The following POU1F1 variants were observed in gnomAD, a reference collection of about 807,000 sequenced individuals.
POU1F1 encodes the protein POU class 1 homeobox 1.
A neutral mutation model predicts 32.3 loss-of-function variants in POU1F1; 23 were observed. That is an observed-to-expected ratio of 0.71 (90% CI 0.51 to 1.01). The LOEUF (loss-of-function observed/expected upper bound fraction) is 1.01, where lower values mean the gene tolerates loss of function less well. Among genes scored for constraint, POU1F1 ranks in the 50% least tolerant of loss-of-function variants. The probability of loss-of-function intolerance (pLI) is 0.00; values close to 1 mark genes in which losing one functional copy is unlikely to be tolerated. For synonymous variants in POU1F1, 120 were observed against 115.6 expected (o/e 1.04, Z -0.25); for missense variants, 323 against 341.6 (o/e 0.95, Z 0.43).
At chr3:87,273,483 C>T (rs776081778) in intron 1 of POU1F1, 65 bp from the exon 2 acceptor site, 1 of 1,604,758 alleles carries the variant, frequency 6.2e-7, no homozygotes, top group Admixed American at 1.7e-5. Flanking sequence ...GGATCAAAGA[C>T]AAAATAGATG....
At chr3:87,264,165 C>T (rs555597098) in intron 3 of POU1F1, 123 bp downstream of exon 3, 42 of 787,984 alleles carry the variant, frequency 5.3e-5, no homozygotes, top group African/African-American at 2.8e-4. Flanking sequence ...CGACTAACTA[C>T]GTCCACAGTA....
intron 1 of POU1F1, among the ~76,000 whole-genome samples, chr3:87,274,208 A>C (rs1706784668): frequency 6.6e-6 from 1 of 152,172 alleles, no homozygotes; most frequent in Admixed American, 6.6e-5. Context: ...CCGTTCATAA[A>C]TGGTTATATG....
rs200249786 is a variant in POU1F1 at position 87,264,721 on chromosome 3, G to A, written c.215-209C>T. 3.4e-4 allele frequency among the ~76,000 whole-genome samples: 52 copies of A among 152,200 alleles called. 1 individual carries two copies. In the East Asian group the frequency reaches 3.5e-3, roughly 10 times the overall value. ...TTTGTCTTCTACCTTCTCCAGAGCA[G>A]CAAAACCAAAGATAGGGTTAAAGGA... On this transcript the variant is annotated intron_variant, in intron 2 of 5. Transcript: ENST00000350375.
intron 2 of POU1F1, among the ~76,000 whole-genome samples, chr3:87,269,169 G>A (rs907321010): frequency 2.0e-5 from 3 of 152,172 alleles, no homozygotes; most frequent in Admixed American, 6.5e-5. Flanking sequence ...AACTTCCACT[G>A]TGATCTTTTC....
intron 3 of POU1F1, among the ~76,000 whole-genome samples, chr3:87,262,992 G>T (rs1706540531): frequency 6.6e-6 from 1 of 152,000 alleles, no homozygotes; most frequent in Non-Finnish European, 1.5e-5. Flanking sequence ...AGGACCTAAG[G>T]CTATATACCT....
chr3:87,274,430 T>C (rs1424972325), intron 1 of POU1F1, among the ~76,000 whole-genome samples: 1 of 151,918 alleles, frequency 6.6e-6, no homozygotes, highest in Non-Finnish European at 1.5e-5. Context: ...AAATGAGATA[T>C]TATAAAGTAT....
At chr3:87,275,284 A>C (rs1161509955) in intron 1 of POU1F1, among the ~76,000 whole-genome samples, 1 of 152,038 alleles carries the variant, frequency 6.6e-6, no homozygotes, top group East Asian at 1.9e-4. Context: ...ATTTTACCAA[A>C]GTCTAAATAT....
In POU1F1 at chr3:87,259,754, T is replaced by A. The variant is rs33936108; in HGVS notation, c.*140A>T. On this transcript the variant is annotated 3_prime_UTR_variant, in exon 6 of 6. Coordinates refer to ENST00000350375, the MANE Select transcript of POU1F1 (RefSeq NM_000306.4). ...ATTTAAATTGTTGGTTTCTTTTTTTTAAAAAAAAGTGGAAAAGTAAAGCTT... is the reference window on the plus strand; with the variant it reads ...ATTTAAATTGTTGGTTTCTTTTTTTAAAAAAAAAGTGGAAAAGTAAAGCTT... 0.37 allele frequency: 240,527 copies of A among 652,744 alleles called. 46,591 individuals carry two copies. Among genetic ancestry groups the A allele is most frequent in the Non-Finnish European group, 0.42 (163,104 of 383,826 alleles). The allele number at this position is 652,744 out of a possible 1,614,324, so 40.4% of individuals were successfully genotyped here.
chr3:87,272,330 T>A (rs1369612253), intron 2 of POU1F1, among the ~76,000 whole-genome samples: 1 of 152,112 alleles, frequency 6.6e-6, no homozygotes, highest in Non-Finnish European at 1.5e-5. Flanking sequence ...ATACTTTAAG[T>A]TTTAGGGTAC....
At position 87,276,546 on chromosome 3, in the gene POU1F1, C is replaced by A. The variant is rs965356549; in HGVS notation, c.-84G>T. On this transcript the variant is annotated 5_prime_UTR_variant, in exon 1 of 6. It introduces an in-frame stop codon into an upstream open reading frame of the 5' UTR. Transcript: ENST00000350375. ...ATATTACTGTCTCAAAGGGCCGATT[C>A]AATTCTCACTACCTGCATATATACA... 6.8e-7 allele frequency: 1 copy of A among 1,476,146 alleles called. No homozygotes were observed. The highest frequency in any genetic ancestry group is 9.3e-7 in the Non-Finnish European group (1 of 1,078,540). The allele number at this position is 1,476,146 out of a possible 1,614,324, so 91.4% of individuals were successfully genotyped here.
At chr3:87,273,285 G>C in intron 2 of POU1F1, 62 bp downstream of exon 2, 1 of 1,484,304 alleles carries the variant, frequency 6.7e-7, no homozygotes. Context: ...ATTCTTTCAG[G>C]CCCAGAAAAT....
intron 2 of POU1F1, among the ~76,000 whole-genome samples, chr3:87,271,499 G>T (rs1421313299): frequency 6.6e-6 from 1 of 152,158 alleles, no homozygotes; most frequent in Non-Finnish European, 1.5e-5. Context: ...GCTGGGTTAA[G>T]AGAGAAACTA....
intron 3 of POU1F1, among the ~76,000 whole-genome samples, chr3:87,263,759 C>A (rs1238260949): frequency 6.6e-6 from 1 of 151,894 alleles, no homozygotes; most frequent in South Asian, 2.1e-4. Context: ...GCAGTATATT[C>A]ATAAAGTGGA....
chr3:87,276,318 T>A lies in POU1F1; in HGVS notation c.142+3A>T. 1 of 1,613,832 alleles carries A rather than the reference T, an allele frequency of 6.2e-7. No individual in the cohort carries two copies. The highest frequency in any genetic ancestry group is 8.5e-7 in the Non-Finnish European group (1 of 1,179,748). On this transcript the variant is annotated splice_donor_region_variant and intron_variant, in intron 1 of 5. Coordinates refer to ENST00000350375, the MANE Select transcript of POU1F1 (RefSeq NM_000306.4). ...ATATGTAAACTGTCATAGGAGTCAG[T>A]ACCTGTAGACATCACATTGGTGGCA... is the stretch of plus-strand genomic sequence containing the variant.
intron 3 of POU1F1, among the ~76,000 whole-genome samples, chr3:87,263,190 T>C (rs1441360726): frequency 1.3e-5 from 2 of 152,026 alleles, no homozygotes; most frequent in African/African-American, 2.4e-5. Flanking sequence ...CAGTAGAAAA[T>C]GAGCAAAGGC....
At chr3:87,268,811 A>C (rs749092959) in intron 2 of POU1F1, among the ~76,000 whole-genome samples, 1 of 152,210 alleles carries the variant, frequency 6.6e-6, no homozygotes, top group African/African-American at 2.4e-5. Context: ...TTAATTCACC[A>C]GAGCCTTTCT....
At chr3:87,272,301 C>T (rs1056994731) in intron 2 of POU1F1, among the ~76,000 whole-genome samples, 2 of 151,958 alleles carry the variant, frequency 1.3e-5, no homozygotes, top group African/African-American at 4.8e-5. Context: ...AATTTCTTTT[C>T]TTTTCTTTTA....
chr3:87,266,220 TATTTA>T (rs933360772), intron 2 of POU1F1, among the ~76,000 whole-genome samples: 10 of 146,444 alleles, frequency 6.8e-5, no homozygotes, highest in African/African-American at 1.7e-4. Flanking sequence ...TGTAGTTATT[TATTTA>T]ATTTAATTTA....
At chr3:87,263,470 C>T (rs1004762149) in intron 3 of POU1F1, among the ~76,000 whole-genome samples, 6 of 151,880 alleles carry the variant, frequency 4.0e-5, no homozygotes, top group Non-Finnish European at 4.4e-5. Context: ...AAACTCATGC[C>T]GTTTTGGAGT....
Sources: gnomAD v4.1 joint callset for allele counts (sites outside exome capture counted in the v4.1 genomes callset) on GRCh38, gnomAD v4.1.1 for gene constraint, MANE v1.5 for transcripts, NCBI Gene and HGNC (gene_info 2026-07-23, HGNC 2026-07-21) for gene names.